The following TG variants were observed in gnomAD, a reference collection of about 807,000 sequenced individuals.
The protein encoded by TG is thyroid hormones.
In TG, 270 loss-of-function variants were observed where a neutral mutation model predicts 324.7. That is an observed-to-expected ratio of 0.83 (90% CI 0.75 to 0.92). The LOEUF (loss-of-function observed/expected upper bound fraction) is 0.92, where lower values mean the gene tolerates loss of function less well. TG is among the 40% of genes least tolerant of loss of function. TG has a pLI of 0.00. For synonymous variants in TG, 1,401 were observed against 1,327.0 expected, an observed-to-expected ratio of 1.06 and a Z score of -1.21; for missense variants, 3,591 against 3,456.4, an observed-to-expected ratio of 1.04 and a Z score of -0.98.
intron 44 of TG, among the ~76,000 whole-genome samples, chr8:133,115,586 G>A (rs1850615461): frequency 6.6e-6 from 1 of 152,220 alleles, no homozygotes; most frequent in South Asian, 2.1e-4. Context: ...ACTCCCATGG[G>A]TGTTATTAAA....
intron 34 of TG, among the ~76,000 whole-genome samples, chr8:132,981,898 G>T (rs10101716): frequency 0.16 from 24,736 of 152,152 alleles, 2,578 homozygotes; most frequent in Middle Eastern, 0.31. Context: ...CTGGGGCTTG[G>T]CATATCTGAC....
chr8:133,027,956 C>T (rs1836261239), intron 40 of TG, among the ~76,000 whole-genome samples: 1 of 152,232 alleles, frequency 6.6e-6, no homozygotes, highest in Non-Finnish European at 1.5e-5. Flanking sequence ...GGTAGGATCT[C>T]TCTTGCTTTC....
intron 10 of TG, among the ~76,000 whole-genome samples, chr8:132,889,861 C>A (rs926405650): frequency 4.6e-5 from 7 of 152,190 alleles, no homozygotes; most frequent in Non-Finnish European, 1.0e-4. Context: ...ACTGTAACCT[C>A]CGCCTCCCAA....
intron 31 of TG, among the ~76,000 whole-genome samples, chr8:132,969,012 C>T (rs2130490432): frequency 6.6e-6 from 1 of 152,250 alleles, no homozygotes; most frequent in South Asian, 2.1e-4. Flanking sequence ...CTGTTGTCAG[C>T]TGCGGAGAGG....
At chr8:132,988,576 A>T (rs745807588) in intron 35 of TG, 39 of 393,516 alleles carry the variant, frequency 9.9e-5, no homozygotes, top group Non-Finnish European at 1.3e-4. Context: ...GATTTTGAGA[A>T]AGTGAGGACA....
intron 35 of TG, among the ~76,000 whole-genome samples, chr8:133,006,094 T>A (rs1833993442): frequency 6.6e-6 from 1 of 152,210 alleles, no homozygotes. Context: ...TTATGCTTAT[T>A]AGAGATCATG....
At chr8:133,062,620 C>G (rs750795849) in intron 41 of TG, among the ~76,000 whole-genome samples, 2 of 152,254 alleles carry the variant, frequency 1.3e-5, no homozygotes, top group Non-Finnish European at 2.9e-5. Flanking sequence ...GCCACAGGCG[C>G]TGTCCTGCAC....
intron 14 of TG, 44 bp downstream of exon 14, chr8:132,898,954 G>T: frequency 6.6e-7 from 1 of 1,512,756 alleles, no homozygotes; most frequent in Non-Finnish European, 9.1e-7. Flanking sequence ...ACTTGTCCCC[G>T]CTGGTCAGAG....
chr8:132,941,628 C>A, intron 26 of TG, 86 bp downstream of exon 26: 1 of 1,510,260 alleles, frequency 6.6e-7, no homozygotes, highest in Non-Finnish European at 9.2e-7. Flanking sequence ...CATGGAGCTG[C>A]ATGGGGAGTA....
chr8:133,044,539 G>A (rs1383382936), intron 41 of TG, among the ~76,000 whole-genome samples: 3 of 152,182 alleles, frequency 2.0e-5, no homozygotes, highest in South Asian at 2.1e-4. Flanking sequence ...TGAGCACAGC[G>A]AAGACAGGTA....
intron 43 of TG, chr8:133,103,099 GGGAC>G (rs544366014): frequency 2.3e-3 from 377 of 161,084 alleles, no homozygotes; most frequent in Non-Finnish European, 4.1e-3. Flanking sequence ...CCAGCACTCA[GGGAC>G]GGGAGGGTGT....
chr8:132,994,714 A>C, intron 35 of TG: 5 of 1,288,544 alleles, frequency 3.9e-6, no homozygotes, highest in African/African-American at 1.5e-5. Flanking sequence ...TCTTCTCCCC[A>C]GTGTTTAAAG....
chr8:133,049,554 C>T (rs1200167606), intron 41 of TG: 1 of 304,748 alleles, frequency 3.3e-6, no homozygotes, highest in Non-Finnish European at 6.4e-6. Flanking sequence ...CAGTAAGTGA[C>T]AGAGGCAGGA....
chr8:132,889,021 G>A (rs1422620805), intron 10 of TG, among the ~76,000 whole-genome samples: 1 of 152,184 alleles, frequency 6.6e-6, no homozygotes, highest in Non-Finnish European at 1.5e-5. Context: ...TAAATATGCA[G>A]GCCTCAGGAG....
intron 43 of TG, among the ~76,000 whole-genome samples, chr8:133,101,714 G>A (rs2958671): frequency 0.22 from 33,930 of 152,178 alleles, 4,294 homozygotes; most frequent in South Asian, 0.3. Flanking sequence ...AGGGCTTGCA[G>A]TCAGATGATA....
intron 35 of TG, among the ~76,000 whole-genome samples, chr8:132,991,382 G>A (rs887660604): frequency 1.3e-5 from 2 of 152,172 alleles, no homozygotes; most frequent in African/African-American, 2.4e-5. Context: ...GGCTGATGGC[G>A]TGTTAAAGGC....
chr8:132,972,588 T>TTA lies in TG; in HGVS notation c.6056-10_6056-9insTA. 1.2e-6 allele frequency: 2 copies of TTA among 1,609,014 alleles called. No individual in the cohort carries two copies. Among genetic ancestry groups the TTA allele is most frequent in the Non-Finnish European group, 1.7e-6 (2 of 1,178,310 alleles). ...ATTGTGGTTTTTTGTTTTTTTTTTT[T>TTA]CCACCCCAGGAGGAGAGGTGACATG... On this transcript the variant is annotated splice_polypyrimidine_tract_variant and intron_variant, in intron 33 of 47. Transcript: ENST00000220616.
At chr8:132,909,733 G>A (rs554955335) in intron 18 of TG, among the ~76,000 whole-genome samples, 60 of 152,286 alleles carry the variant, frequency 3.9e-4, no homozygotes, top group African/African-American at 1.3e-3. Context: ...TGTGAAATGG[G>A]TTTAGGAGAA....
At chr8:133,007,225 C>T (rs917144253) in intron 35 of TG, among the ~76,000 whole-genome samples, 6 of 151,528 alleles carry the variant, frequency 4.0e-5, no homozygotes, top group Admixed American at 1.3e-4. Flanking sequence ...ACTGGAGTGG[C>T]GCTGGAAGGA....
Sources: gnomAD v4.1 joint callset for allele counts (sites outside exome capture counted in the v4.1 genomes callset) on GRCh38, gnomAD v4.1.1 for gene constraint, MANE v1.5 for transcripts, NCBI Gene and HGNC (gene_info 2026-07-23, HGNC 2026-07-21) for gene names.